The following LMOD1 variants were observed in gnomAD, a reference collection of about 807,000 sequenced individuals.
LMOD1 encodes the protein leiomodin 1.
In LMOD1, 8 loss-of-function variants were observed where a neutral mutation model predicts 36.5. The ratio of observed to expected loss-of-function variants is 0.22; its 90% CI spans 0.13 to 0.40. LMOD1 has a LOEUF of 0.40. Ranked by LOEUF, LMOD1 falls within the 10% of genes least tolerant of loss-of-function variation. The probability of loss-of-function intolerance (pLI) is 1.00; values close to 1 mark genes in which losing one functional copy is unlikely to be tolerated. For missense variants in LMOD1, 630 were observed against 751.1 expected (o/e 0.84, Z 1.88); for synonymous variants, 284 against 288.7 (o/e 0.98, Z 0.17).
rs766281763 is a variant in LMOD1, at chr1:201,899,224, C to T, written c.1776+13G>A. ...CAGCCCCGCCCTGTTGGCTCATGCC[C>T]ACAACTACTTAACTTCTTGAGCTGC... On this transcript the variant is annotated intron_variant, in intron 2 of 2. Transcript: ENST00000367288. The surrounding 1 kb of genome is among the most constrained non-coding windows in gnomAD (Gnocchi z 6.3). 1 of 1,567,736 alleles carries T rather than the reference C, an allele frequency of 6.4e-7. No individual in the cohort carries two copies. Among genetic ancestry groups the T allele is most frequent in the Non-Finnish European group, 8.7e-7 (1 of 1,153,794 alleles).
At chr1:201,917,379 C>G (rs1433561414) in intron 1 of LMOD1, among the ~76,000 whole-genome samples, 1 of 152,172 alleles carries the variant, frequency 6.6e-6, no homozygotes, top group Non-Finnish European at 1.5e-5. Flanking sequence ...AAGACAGAGG[C>G]GTTTTGAGGT....
At chr1:201,921,818 G>C (rs1036195117) in intron 1 of LMOD1, among the ~76,000 whole-genome samples, 1 of 151,974 alleles carries the variant, frequency 6.6e-6, no homozygotes, top group Non-Finnish European at 1.5e-5. Flanking sequence ...AAATTAGCCA[G>C]GCGTGGTGGT....
intron 1 of LMOD1, among the ~76,000 whole-genome samples, chr1:201,939,899 T>C (rs1488026097): frequency 6.6e-6 from 1 of 152,036 alleles, no homozygotes; most frequent in Non-Finnish European, 1.5e-5. Flanking sequence ...CTCTAAAGTC[T>C]CCTGGGGGAG....
At chr1:201,911,721 G>A (rs1203581149) in intron 1 of LMOD1, among the ~76,000 whole-genome samples, 1 of 152,128 alleles carries the variant, frequency 6.6e-6, no homozygotes, top group Non-Finnish European at 1.5e-5. Flanking sequence ...TCAGGAGTCA[G>A]GGTTTATGGC....
intron 1 of LMOD1, among the ~76,000 whole-genome samples, chr1:201,924,404 GC>G (rs1681765748): frequency 1.1e-5 from 1 of 92,846 alleles, no homozygotes. Context: ...AAGGAAGGAA[GC>G]AAGGAAGGAG....
intron 1 of LMOD1, among the ~76,000 whole-genome samples, chr1:201,939,097 C>T (rs1311264221): frequency 1.3e-5 from 2 of 151,958 alleles, no homozygotes; most frequent in East Asian, 1.9e-4. Context: ...TCCTTCCTCC[C>T]CTTCCCCTCT....
chr1:201,934,336 A>G (rs1457809069), intron 1 of LMOD1, among the ~76,000 whole-genome samples: 1 of 152,098 alleles, frequency 6.6e-6, no homozygotes, highest in East Asian at 1.9e-4. Context: ...TGCACGTATG[A>G]GGCAAACCTC....
At chr1:201,913,561 T>C (rs1241106269) in intron 1 of LMOD1, among the ~76,000 whole-genome samples, 1 of 152,162 alleles carries the variant, frequency 6.6e-6, no homozygotes. Context: ...GAGCTGAGAT[T>C]GCACGACTGC....
intron 1 of LMOD1, among the ~76,000 whole-genome samples, chr1:201,928,365 C>G (rs1681864201): frequency 6.6e-6 from 1 of 152,236 alleles, no homozygotes; most frequent in African/African-American, 2.4e-5. Flanking sequence ...TCTGCTCCTC[C>G]TTTGCTCCAG....
At chr1:201,924,669 GAAAGAAA>G (rs1295870828) in intron 1 of LMOD1, among the ~76,000 whole-genome samples, 5 of 4,806 alleles carry the variant, frequency 1.0e-3, no homozygotes, top group African/African-American at 2.8e-3. Context: ...AGAAAAAAAA[GAAAGAAA>G]GAAAGAAAGA....
chr1:201,901,583 T>TATGTATATATATATAC (rs1553295689), intron 1 of LMOD1, among the ~76,000 whole-genome samples: 1 of 18,400 alleles, frequency 5.4e-5, no homozygotes. Context: ...TATATATATA[T>TATGTATATATATATAC]ACATATATAT....
chr1:201,924,829 G>A (rs1016967989), intron 1 of LMOD1, among the ~76,000 whole-genome samples: 1 of 152,122 alleles, frequency 6.6e-6, no homozygotes, highest in Non-Finnish European at 1.5e-5. Context: ...AGGCTGCAGT[G>A]AGTTATGACT....
At chr1:201,920,017 C>T (rs2102919454) in intron 1 of LMOD1, among the ~76,000 whole-genome samples, 1 of 147,136 alleles carries the variant, frequency 6.8e-6, no homozygotes, top group Middle Eastern at 3.5e-3. Context: ...GGCTTCAATG[C>T]CATCTCCACC....
At chr1:201,903,038 T>C (rs963654892) in intron 1 of LMOD1, among the ~76,000 whole-genome samples, 1 of 152,144 alleles carries the variant, frequency 6.6e-6, no homozygotes. Context: ...AAAGTTTTCT[T>C]TCAAGAGTGC....
chr1:201,922,635 A>G (rs1175209639), intron 1 of LMOD1, among the ~76,000 whole-genome samples: 4 of 152,002 alleles, frequency 2.6e-5, no homozygotes, highest in African/African-American at 9.7e-5. Context: ...ACTGATGAAA[A>G]TATTCTGGAA....
Position 201,900,679 on chromosome 1 carries a change from C to A in LMOD1, c.334G>T (p.Ala112Ser). Residue 112 changes from alanine to serine, a missense_variant, in exon 2 of 3, where the codon GCC becomes TCC. Transcript: ENST00000367288. ...TCTGAGTCCCGTCTGGGGCCCAGGG[C>A]TTTTTTGCTGGCATCTCTGCCCCTT... is the stretch of plus-strand genomic sequence containing the variant. ...EERGRDASKK[A>S]LGPRRDSDLG... The A allele has an allele frequency of 1.2e-6, 2 of 1,613,824 alleles. No individual in the cohort carries two copies. The highest frequency in any genetic ancestry group is 1.7e-6 in the Non-Finnish European group (2 of 1,179,850).
At chr1:201,931,937 G>C (rs1465694916) in intron 1 of LMOD1, among the ~76,000 whole-genome samples, 2 of 152,126 alleles carry the variant, frequency 1.3e-5, no homozygotes, top group Admixed American at 1.3e-4. Context: ...TAGTGTCCCA[G>C]AGGAGTGAGA....
chr1:201,939,239 C>G lies in LMOD1; in HGVS notation c.261+6841G>C, dbSNP rs367720769. 2.0e-4 allele frequency among the ~76,000 whole-genome samples: 31 copies of G among 152,122 alleles called. No homozygotes were observed. In the South Asian group the frequency reaches 4.6e-3, roughly 22 times the overall value. ...TTTAGAGTGAGGAAAGAAGGTCTCTCGTGATGTGCCAAACACTTTCAATGC... is the reference window on the plus strand; with the variant it reads ...TTTAGAGTGAGGAAAGAAGGTCTCTGGTGATGTGCCAAACACTTTCAATGC... On this transcript the variant is annotated intron_variant, in intron 1 of 2. Coordinates refer to ENST00000367288, the MANE Select transcript of LMOD1 (RefSeq NM_012134.3).
chr1:201,941,530 G>A (rs1393291094), intron 1 of LMOD1, among the ~76,000 whole-genome samples: 1 of 152,156 alleles, frequency 6.6e-6, no homozygotes, highest in African/African-American at 2.4e-5. Context: ...ACCAGTTGGG[G>A]TTAATCTCCT....
Sources: gnomAD v4.1 joint callset for allele counts (sites outside exome capture counted in the v4.1 genomes callset) on GRCh38, gnomAD v4.1.1 for gene constraint, Gnocchi (gnomAD v3.1) non-coding constraint, MANE v1.5 for transcripts, NCBI Gene and HGNC (gene_info 2026-07-23, HGNC 2026-07-21) for gene names.